The following CNTNAP2 variants were observed in gnomAD, a reference collection of about 807,000 sequenced individuals.
The protein encoded by CNTNAP2 is contactin associated protein 2.
CNTNAP2 carries 98 observed loss-of-function variants against 155.2 expected under a neutral mutation model. The ratio of observed to expected loss-of-function variants is 0.63; its 90% CI spans 0.54 to 0.75. The LOEUF (loss-of-function observed/expected upper bound fraction) is 0.75, where lower values mean the gene tolerates loss of function less well. Ranked by LOEUF, CNTNAP2 falls within the 30% of genes least tolerant of loss-of-function variation. CNTNAP2 has a pLI of 0.00. For synonymous variants in CNTNAP2, 651 were observed against 631.2 expected (o/e 1.03, Z -0.47); for missense variants, 1,727 against 1,688.1 (o/e 1.02, Z -0.40).
chr7:147,566,049 GA>G (rs1800162983), intron 12 of CNTNAP2, among the ~76,000 whole-genome samples: 1 of 150,646 alleles, frequency 6.6e-6, no homozygotes, highest in African/African-American at 2.4e-5. Flanking sequence ...GGGAGGCCAA[GA>G]CAGGTGGATC....
At chr7:147,110,029 A>G (rs1306125052) in intron 5 of CNTNAP2, among the ~76,000 whole-genome samples, 2 of 152,050 alleles carry the variant, frequency 1.3e-5, no homozygotes, top group Non-Finnish European at 2.9e-5. Context: ...GGCTTAAGTG[A>G]TGCTCCTGCC....
At chr7:148,228,753 G>A (rs1008354688) in intron 19 of CNTNAP2, among the ~76,000 whole-genome samples, 7 of 151,454 alleles carry the variant, frequency 4.6e-5, no homozygotes, top group African/African-American at 1.7e-4. Context: ...GCGTGAACCC[G>A]GGAGGCGGAG....
rs977253860 is a variant in CNTNAP2, at chr7:148,415,732, G to A, written c.*116G>A. 2.6e-6 allele frequency: 3 copies of A among 1,149,868 alleles called. No individual in the cohort carries two copies. Among genetic ancestry groups the A allele is most frequent in the African/African-American group, 3.1e-5 (2 of 64,650 alleles). 71.2% of individuals were successfully genotyped at this position (1,149,868 alleles called of 1,614,324 possible). A position where few individuals can be genotyped will look rare whatever the true frequency, so the allele number is the denominator to read the frequency against. On this transcript the variant is annotated 3_prime_UTR_variant, in exon 24 of 24. Transcript: ENST00000361727. ...CATCCTTAAAATATCAGCACAAGTT[G>A]GGGGAGGCAGGCAATGGAATATAAT...
intron 1 of CNTNAP2, among the ~76,000 whole-genome samples, chr7:146,766,101 T>G (rs1280936341): frequency 6.6e-6 from 1 of 152,064 alleles, no homozygotes; most frequent in African/African-American, 2.4e-5. Context: ...TGATGCCCAG[T>G]TTTAAAAAAT....
intron 15 of CNTNAP2, among the ~76,000 whole-genome samples, chr7:148,086,892 G>A (rs1420214491): frequency 1.3e-5 from 2 of 151,954 alleles, no homozygotes; most frequent in African/African-American, 4.8e-5. Flanking sequence ...TTTTTACAAT[G>A]GTGCGTTACT....
intron 1 of CNTNAP2, among the ~76,000 whole-genome samples, chr7:146,665,921 T>C (rs1025501698): frequency 1.3e-5 from 2 of 151,922 alleles, no homozygotes; most frequent in Non-Finnish European, 2.9e-5. Context: ...CTTCAGTACA[T>C]ATACTGTATA....
intron 1 of CNTNAP2, among the ~76,000 whole-genome samples, chr7:146,394,216 CA>C (rs1215134912): frequency 6.6e-6 from 1 of 151,714 alleles, no homozygotes; most frequent in Admixed American, 6.6e-5. Context: ...CTGACTAATC[CA>C]AAAAAGGAAA....
chr7:147,806,075 G>A (rs1452662847), intron 13 of CNTNAP2, among the ~76,000 whole-genome samples: 1 of 152,126 alleles, frequency 6.6e-6, no homozygotes, highest in East Asian at 1.9e-4. Flanking sequence ...CTTACAGAAT[G>A]GGAGAAAATA....
chr7:148,065,146 C>CAATTTCT (rs1803230069), intron 15 of CNTNAP2, among the ~76,000 whole-genome samples: 1 of 152,102 alleles, frequency 6.6e-6, no homozygotes, highest in Non-Finnish European at 1.5e-5. Flanking sequence ...CCACTGTAGT[C>CAATTTCT]TGAGAAAGTA....
chr7:148,330,789 GA>G (rs1797981926), intron 21 of CNTNAP2, among the ~76,000 whole-genome samples: 2 of 116,678 alleles, frequency 1.7e-5, no homozygotes, highest in African/African-American at 3.4e-5. Flanking sequence ...TTGATGGATG[GA>G]ATGGATGGAT....
rs569948374 is a variant in CNTNAP2 at position 148,184,744 on chromosome 7, T to C, written c.3010+12266T>C. On this transcript the variant is annotated intron_variant, in intron 18 of 23. Transcript: ENST00000361727. ...GGGAATCTTATATTATATAGAACAG[T>C]GGAACAAGAGTAACTTGAATTCCAA... Among the ~76,000 whole-genome samples the C allele has an allele frequency of 2.0e-5, 3 of 152,316 alleles. 1 individual carries two copies. In the East Asian group the frequency reaches 5.8e-4, roughly 29 times the overall value.
At chr7:146,898,663 T>C (rs1207941995) in intron 3 of CNTNAP2, among the ~76,000 whole-genome samples, 1 of 152,126 alleles carries the variant, frequency 6.6e-6, no homozygotes, top group Non-Finnish European at 1.5e-5. Context: ...ACTTTTGTCT[T>C]TGTGGTACCT....
chr7:148,073,224 A>G (rs1212511080), intron 15 of CNTNAP2, among the ~76,000 whole-genome samples: 2 of 152,224 alleles, frequency 1.3e-5, no homozygotes, highest in Admixed American at 6.5e-5. Context: ...GCTGCGTAGT[A>G]TAAGATAGCG....
intron 1 of CNTNAP2, among the ~76,000 whole-genome samples, chr7:146,306,865 G>A (rs1800722562): frequency 6.6e-6 from 1 of 152,100 alleles, no homozygotes; most frequent in African/African-American, 2.4e-5. Flanking sequence ...CAAACCCACA[G>A]CCAATATCAT....
intron 15 of CNTNAP2, among the ~76,000 whole-genome samples, chr7:148,084,994 A>G (rs1269440198): frequency 2.0e-5 from 3 of 152,204 alleles, no homozygotes; most frequent in Admixed American, 1.3e-4. Flanking sequence ...TAGTCGGTCA[A>G]TTTCAGGCTA....
At chr7:148,185,535 T>C (rs569825730) in intron 18 of CNTNAP2, among the ~76,000 whole-genome samples, 1 of 152,352 alleles carries the variant, frequency 6.6e-6, no homozygotes, top group African/African-American at 2.4e-5. Flanking sequence ...TCTGCCCCGT[T>C]ACCAAGGATG....
chr7:148,303,869 G>A (rs182566251), intron 21 of CNTNAP2, among the ~76,000 whole-genome samples: 39 of 152,312 alleles, frequency 2.6e-4, no homozygotes, highest in Admixed American at 5.9e-4. Context: ...GATTACATTA[G>A]GAAGGAAAGT....
In CNTNAP2 at chr7:147,183,103, A is replaced by G. The variant is rs1024660648; in HGVS notation, c.1348+50594A>G. Among the ~76,000 whole-genome samples the G allele has an allele frequency of 2.6e-5, 4 of 152,192 alleles. No individual in the cohort carries two copies. In the South Asian group the frequency reaches 8.3e-4, roughly 32 times the overall value. On this transcript the variant is annotated intron_variant, in intron 8 of 23. Transcript: ENST00000361727. ...TACTCTAACTGGCTAGCAGCTTAGAACAAGCTTGAATAAGGTTCAAACTAA... is the reference window on the plus strand; with the variant it reads ...TACTCTAACTGGCTAGCAGCTTAGAGCAAGCTTGAATAAGGTTCAAACTAA...
At chr7:147,821,742 G>A (rs557125463) in intron 13 of CNTNAP2, among the ~76,000 whole-genome samples, 38 of 152,154 alleles carry the variant, frequency 2.5e-4, no homozygotes, top group African/African-American at 7.7e-4. Flanking sequence ...GGAAGAGCAC[G>A]GTGAATGTGG....
Sources: allele counts gnomAD v4.1 joint callset (sites outside exome capture counted in the v4.1 genomes callset), GRCh38; gene constraint gnomAD v4.1.1; transcripts MANE v1.5; gene names NCBI Gene and HGNC (gene_info 2026-07-23, HGNC 2026-07-21).